BICD1: variants seen among roughly 807,000 people sequenced by gnomAD.
BICD1 encodes the protein protein bicaudal D homolog 1.
Under a neutral mutation model 92.5 loss-of-function variants are expected in BICD1, and 35 were observed. The ratio of observed to expected loss-of-function variants is 0.38; its 90% CI spans 0.29 to 0.50. The LOEUF (loss-of-function observed/expected upper bound fraction) is 0.50, where lower values mean the gene tolerates loss of function less well. Among genes scored for constraint, BICD1 ranks in the 20% least tolerant of loss-of-function variants. The pLI is 0.93. For missense variants in BICD1, 950 were observed against 1,189.8 expected, an observed-to-expected ratio of 0.80 and a Z score of 2.97; for synonymous variants, 429 against 465.1, an observed-to-expected ratio of 0.92 and a Z score of 1.00.
intron 1 of BICD1, among the ~76,000 whole-genome samples, chr12:32,192,450 A>AT: frequency 6.8e-6 from 1 of 147,008 alleles, no homozygotes; most frequent in Non-Finnish European, 1.5e-5. Context: ...AAATAAATAA[A>AT]TAAATAGATA....
chr12:32,152,289 C>T (rs1490674041), intron 1 of BICD1, among the ~76,000 whole-genome samples: 3 of 149,630 alleles, frequency 2.0e-5, no homozygotes, highest in Non-Finnish European at 4.4e-5. Context: ...TGCTCTGTCA[C>T]ATAGGCTGGT....
At chr12:32,339,644 G>C (rs1463401340) in intron 8 of BICD1, 3 of 985,100 alleles carry the variant, frequency 3.0e-6, no homozygotes, top group Non-Finnish European at 2.4e-6. Context: ...TTGAAAATGT[G>C]ACATATGGCA....
At chr12:32,301,727 A>G (rs887915034) in intron 3 of BICD1, among the ~76,000 whole-genome samples, 3 of 151,980 alleles carry the variant, frequency 2.0e-5, no homozygotes, top group African/African-American at 7.2e-5. Context: ...GTGAGCTGTG[A>G]TCAAGCCACT....
At chr12:32,309,127 A>T (rs1212687547) in intron 4 of BICD1, among the ~76,000 whole-genome samples, 1 of 150,728 alleles carries the variant, frequency 6.6e-6, no homozygotes, top group Non-Finnish European at 1.5e-5. Context: ...CCTTAGCCAC[A>T]CATCTTTTTG....
intron 1 of BICD1, among the ~76,000 whole-genome samples, chr12:32,176,989 G>A (rs1390889400): frequency 6.6e-6 from 1 of 150,960 alleles, no homozygotes; most frequent in African/African-American, 2.4e-5. Flanking sequence ...TTTTTATCTA[G>A]TATTAAGTCA....
At chr12:32,122,488 CA>C (rs11336919) in intron 1 of BICD1, among the ~76,000 whole-genome samples, 23,604 of 140,168 alleles carry the variant, frequency 0.17, 3,380 homozygotes, top group African/African-American at 0.4. Flanking sequence ...GACTCCGTTT[CA>C]AAAAAAAAAA....
intron 2 of BICD1, among the ~76,000 whole-genome samples, chr12:32,256,483 GA>G (rs1946723833): frequency 6.6e-6 from 1 of 152,202 alleles, no homozygotes; most frequent in South Asian, 2.1e-4. Context: ...CCACACACAG[GA>G]AAGTGATAGA....
intron 4 of BICD1, among the ~76,000 whole-genome samples, chr12:32,320,513 G>A (rs951036916): frequency 2.0e-5 from 3 of 151,992 alleles, no homozygotes; most frequent in East Asian, 1.9e-4. Flanking sequence ...GTGTTGGCAC[G>A]TGCCTGTAAT....
intron 7 of BICD1, chr12:32,338,537 A>C: frequency 2.8e-6 from 1 of 359,338 alleles, no homozygotes; most frequent in African/African-American, 2.1e-5. Flanking sequence ...AGACTCAAAT[A>C]ATATATTTTC....
intron 8 of BICD1, among the ~76,000 whole-genome samples, chr12:32,354,411 G>A (rs1262483543): frequency 2.0e-5 from 3 of 152,128 alleles, no homozygotes; most frequent in Non-Finnish European, 4.4e-5. Flanking sequence ...TTTTTGCATT[G>A]TCTATATTGA....
chr12:32,199,938 C>G (rs1023455680), intron 1 of BICD1, among the ~76,000 whole-genome samples: 2 of 152,124 alleles, frequency 1.3e-5, no homozygotes, highest in Non-Finnish European at 2.9e-5. Flanking sequence ...AGGCAAAACT[C>G]TTGGTGGGCT....
chr12:32,138,202 C>T (rs1223717580), intron 1 of BICD1, among the ~76,000 whole-genome samples: 1 of 152,186 alleles, frequency 6.6e-6, no homozygotes, highest in East Asian at 1.9e-4. Context: ...CCTCATTAGC[C>T]TATGAAGTAG....
intron 2 of BICD1, among the ~76,000 whole-genome samples, chr12:32,255,861 A>C (rs1026097239): frequency 5.7e-4 from 87 of 152,216 alleles, no homozygotes; most frequent in Non-Finnish European, 8.5e-4. Flanking sequence ...TGAAGACACA[A>C]AGATCAGTAG....
intron 5 of BICD1, chr12:32,332,318 C>T (rs1389961015): frequency 5.2e-5 from 19 of 366,882 alleles, no homozygotes; most frequent in Non-Finnish European, 6.8e-5. Flanking sequence ...CAACAAACCC[C>T]CATGACACAC....
chr12:32,197,345 G>C (rs536857163), intron 1 of BICD1, among the ~76,000 whole-genome samples: 1 of 152,170 alleles, frequency 6.6e-6, no homozygotes, highest in East Asian at 1.9e-4. Context: ...TCTACATCTT[G>C]AATTTCAATT....
At chr12:32,376,878 G>C (rs201620432) in intron 9 of BICD1, among the ~76,000 whole-genome samples, 5 of 13,782 alleles carry the variant, frequency 3.6e-4, no homozygotes, top group South Asian at 2.6e-3. Flanking sequence ...AAAAAAAAAG[G>C]GGGGGGGGGG....
intron 8 of BICD1, among the ~76,000 whole-genome samples, chr12:32,346,852 A>G (rs1592705174): frequency 6.6e-6 from 1 of 150,396 alleles, no homozygotes; most frequent in African/African-American, 2.4e-5. Context: ...AGTTTTAACT[A>G]GATAGAATTT....
chr12:32,311,506 A>C (rs577954179), intron 4 of BICD1, among the ~76,000 whole-genome samples: 1 of 152,316 alleles, frequency 6.6e-6, no homozygotes, highest in South Asian at 2.1e-4. Context: ...CAAAAAAAAG[A>C]AAAAAGAAAG....
chr12:32,181,290 T>C lies in BICD1; in HGVS notation c.214-34957T>C, dbSNP rs1432117986. The stretch of plus-strand genomic sequence containing the variant: ...CAAAAATTAGCTGGGAGTGGTGGCA[T>C]GCGCCTGTAATCCTAGCCACCGGGG... On this transcript the variant is annotated intron_variant, in intron 1 of 9. Coordinates refer to ENST00000652176, the MANE Select transcript of BICD1 (RefSeq NM_001714.4). Among the ~76,000 whole-genome samples, 5 of 151,520 alleles carry C rather than the reference T, an allele frequency of 3.3e-5. 1 individual carries two copies.
Sources: gnomAD v4.1 joint callset for allele counts (sites outside exome capture counted in the v4.1 genomes callset) on GRCh38, gnomAD v4.1.1 for gene constraint, MANE v1.5 for transcripts, NCBI Gene and HGNC (gene_info 2026-07-23, HGNC 2026-07-21) for gene names.